PDIA6: variants seen among roughly 807,000 people sequenced by gnomAD.
The protein encoded by PDIA6 is protein disulfide isomerase family A member 6, also known as protein disulfide-isomerase A6.
Under a neutral mutation model 58.4 loss-of-function variants are expected in PDIA6, and 29 were observed. The observed-to-expected ratio is 0.50, with a 90% confidence interval of 0.37 to 0.68. The LOEUF (loss-of-function observed/expected upper bound fraction) is 0.68, where lower values mean the gene tolerates loss of function less well. Ranked by LOEUF, PDIA6 falls within the 30% of genes least tolerant of loss-of-function variation. The pLI is 0.00. For missense variants in PDIA6, 480 were observed against 551.0 expected (o/e 0.87, Z 1.29); for synonymous variants, 192 against 202.6 (o/e 0.95, Z 0.44).
rs142782761 is a variant in PDIA6 at position 10,806,628 on chromosome 2, C to CAAAGAAA, written c.20-3989_20-3988insTTTCTTT. 1.9e-3 allele frequency among the ~76,000 whole-genome samples: 136 copies of CAAAGAAA among 70,318 alleles called. 8 individuals carry two copies. The highest frequency in any genetic ancestry group is 9.4e-3 in the Middle Eastern group (1 of 106). 46.1% of individuals were successfully genotyped at this position (70,318 alleles called of 152,430 possible). A position where few individuals can be genotyped will look rare whatever the true frequency, so the allele number is the denominator to read the frequency against. On this transcript the variant is annotated intron_variant, in intron 1 of 12. Transcript: ENST00000272227. ...AACCACATCTCCTAAAAAATAAAGACAGAAAGAAAGAAAGAAAGAAAAACG... is the reference window on the plus strand; with the variant it reads ...AACCACATCTCCTAAAAAATAAAGACAAAGAAAAGAAAGAAAGAAAGAAAGAAAAACG...
intron 1 of PDIA6, among the ~76,000 whole-genome samples, chr2:10,827,006 CA>C (rs1200679827): frequency 6.6e-6 from 1 of 152,212 alleles, no homozygotes; most frequent in African/African-American, 2.4e-5. Context: ...CCCGGGTGAG[CA>C]GTTCATCAAA....
chr2:10,802,564 T>C lies in PDIA6; in HGVS notation c.96A>G (p.Pro32=). The C allele has an allele frequency of 6.7e-7, 1 of 1,488,046 alleles. No homozygotes were observed. Among genetic ancestry groups the C allele is most frequent in the East Asian group, 2.6e-5 (1 of 39,060 alleles). 92.2% of individuals were successfully genotyped at this position (1,488,046 alleles called of 1,614,324 possible). A position where few individuals can be genotyped will look rare whatever the true frequency, so the allele number is the denominator to read the frequency against. Residue 32 remains proline, a synonymous_variant, in exon 2 of 13, where the codon CCA becomes CCG. Coordinates refer to ENST00000272227, the MANE Select transcript of PDIA6 (RefSeq NM_005742.4). The part of the protein sequence containing the change: ...SSSDDVIELT[P]SNFNREVIQS... ...GAATAACTTCTCGGTTGAAATTCGA[T>C]GGAGTTAATTCGATCACATCATCAC...
chr2:10,784,399 G>C (rs548218187), intron 12 of PDIA6, 73 bp from the exon 13 acceptor site: 30 of 1,160,166 alleles, frequency 2.6e-5, no homozygotes, highest in Non-Finnish European at 3.5e-5. Flanking sequence ...CTCATTTTAT[G>C]GAAGAGCGAC....
Position 10,819,283 on chromosome 2 carries a change from T to G in PDIA6, c.25A>C (p.Asn9His). The change falls in exon 2 of 14, where the codon AAT becomes CAT. Residue 9 changes from asparagine (N) to histidine (H), a missense_variant. Coordinates refer to the PDIA6 transcript ENST00000381611. Reference sequence around the variant, plus strand: ...AGTTTCCTCTACTTACCGGGTGCATTAGCCATGGTGGTTGATGGATACATT... The same window carrying G: ...AGTTTCCTCTACTTACCGGGTGCATGAGCCATGGTGGTTGATGGATACATT... The G allele has an allele frequency of 3.3e-6, 5 of 1,528,432 alleles. No individual in the cohort carries two copies. The South Asian group carries it at 6.0e-5, about 18-fold the overall frequency. The allele number at this position is 1,528,432 out of a possible 1,614,324, so 94.7% of individuals were successfully genotyped here.
At chr2:10,830,749 T>A (rs1667687345) in intron 1 of PDIA6, among the ~76,000 whole-genome samples, 1 of 152,176 alleles carries the variant, frequency 6.6e-6, no homozygotes, top group Admixed American at 6.5e-5. Flanking sequence ...GGCCCTCGGG[T>A]CACCCCCTGC....
chr2:10,794,583 T>C (rs1476351471), intron 4 of PDIA6, among the ~76,000 whole-genome samples: 5 of 151,744 alleles, frequency 3.3e-5, no homozygotes, highest in Middle Eastern at 3.4e-3. Flanking sequence ...AGCCGGCCTT[T>C]TTTTCTGCCC....
At chr2:10,795,539 G>A (rs936911138) in intron 4 of PDIA6, among the ~76,000 whole-genome samples, 4 of 152,138 alleles carry the variant, frequency 2.6e-5, no homozygotes, top group Non-Finnish European at 5.9e-5. Flanking sequence ...ATTTGCCAAC[G>A]ACACATATTT....
At chr2:10,812,056 G>A (rs1229411890) in intron 1 of PDIA6, among the ~76,000 whole-genome samples, 1 of 151,934 alleles carries the variant, frequency 6.6e-6, no homozygotes, top group Non-Finnish European at 1.5e-5. Flanking sequence ...GATCACTGGC[G>A]CGCGACACCA....
upstream of PDIA6, chr2:10,812,891 C>A: frequency 8.8e-7 from 1 of 1,131,426 alleles, no homozygotes; most frequent in Non-Finnish European, 1.1e-6. Context: ...ACATCGCTCA[C>A]TCACATATCC....
intron 5 of PDIA6, 98 bp downstream of exon 5, chr2:10,792,998 C>T: frequency 1.3e-6 from 1 of 777,666 alleles, no homozygotes; most frequent in Non-Finnish European, 2.2e-6. Flanking sequence ...GAGAGTTCAC[C>T]ACTTTAACAT....
At chr2:10,828,105 C>A (rs1667599750) in intron 1 of PDIA6, among the ~76,000 whole-genome samples, 1 of 152,030 alleles carries the variant, frequency 6.6e-6, no homozygotes. Context: ...TACATTGACA[C>A]CTCATTATCC....
In PDIA6 at chr2:10,812,238, T is replaced by C. The variant is rs555905612; in HGVS notation, c.19+440A>G. ...CATTTCAGTTTTTAAAAGTAGGAGC[T>C]GCATAAAGCAGGTGGCAGAAACAAG... is the stretch of plus-strand genomic sequence containing the variant. On this transcript the variant is annotated intron_variant, in intron 1 of 12. Transcript: ENST00000272227. 2.2e-3 allele frequency among the ~76,000 whole-genome samples: 328 copies of C among 152,140 alleles called. 5 individuals carry two copies. The highest frequency in any genetic ancestry group is 5.6e-3 in the Admixed American group (85 of 15,294).
chr2:10,810,121 G>A (rs1666941441), intron 1 of PDIA6: 1 of 655,100 alleles, frequency 1.5e-6, no homozygotes, highest in Non-Finnish European at 2.7e-6. Flanking sequence ...GCGTGACTCT[G>A]TATCAGGCAT....
intron 10 of PDIA6, 117 bp downstream of exon 10, chr2:10,788,580 A>C: frequency 1.4e-6 from 1 of 737,640 alleles, no homozygotes; most frequent in Admixed American, 2.4e-5. Context: ...AAAAAAAAAA[A>C]AACATATAGC....
At chr2:10,822,061 T>C (rs1407132222) in intron 1 of PDIA6, among the ~76,000 whole-genome samples, 1 of 151,970 alleles carries the variant, frequency 6.6e-6, no homozygotes, top group African/African-American at 2.4e-5. Flanking sequence ...CACCTCAGCC[T>C]CCCGAGTAGC....
chr2:10,817,412 T>A (rs12621237), upstream of PDIA6, among the ~76,000 whole-genome samples: 1 of 152,006 alleles, frequency 6.6e-6, no homozygotes, highest in Non-Finnish European at 1.5e-5. Context: ...TGGGTTAGAA[T>A]AAAGAACTGT....
At chr2:10,836,435 A>G (rs1667833569), upstream of PDIA6, among the ~76,000 whole-genome samples, 1 of 151,978 alleles carries the variant, frequency 6.6e-6, no homozygotes, top group Non-Finnish European at 1.5e-5. Context: ...CTGATCTCGA[A>G]TTCCTGAACT....
intron 4 of PDIA6, among the ~76,000 whole-genome samples, chr2:10,794,422 G>T: frequency 6.7e-6 from 1 of 149,024 alleles, no homozygotes; most frequent in South Asian, 2.1e-4. Flanking sequence ...CTCCAGCCTG[G>T]GTGACAGAAC....
chr2:10,835,610 T>A (rs559622079), upstream of PDIA6, among the ~76,000 whole-genome samples: 1 of 152,080 alleles, frequency 6.6e-6, no homozygotes, highest in Non-Finnish European at 1.5e-5. Context: ...TTAATAAAAG[T>A]AAAGCAGACA....
Sources: allele counts gnomAD v4.1 joint callset (sites outside exome capture counted in the v4.1 genomes callset), GRCh38; gene constraint gnomAD v4.1.1; transcripts MANE v1.5; gene names NCBI Gene and HGNC (gene_info 2026-07-23, HGNC 2026-07-21).